SOX6: variants seen among roughly 807,000 people sequenced by gnomAD.
SOX6 encodes transcription factor SOX-6.
Under a neutral mutation model 97.8 loss-of-function variants are expected in SOX6, and 11 were observed. The observed-to-expected ratio is 0.11, with a 90% CI of 0.07 to 0.19. SOX6 has a LOEUF of 0.19. Among genes scored for constraint, SOX6 ranks in the 10% least tolerant of loss-of-function variants. The probability of loss-of-function intolerance (pLI) is 1.00; values close to 1 mark genes in which losing one functional copy is unlikely to be tolerated. For missense variants in SOX6, 810 were observed against 1,039.5 expected, an observed-to-expected ratio of 0.78 and a Z score of 3.04; for synonymous variants, 360 against 371.4, an observed-to-expected ratio of 0.97 and a Z score of 0.35.
chr11:16,555,222 T>C (rs1435158749), intron 4 of SOX6, among the ~76,000 whole-genome samples: 1 of 151,916 alleles, frequency 6.6e-6, no homozygotes, highest in African/African-American at 2.4e-5. Flanking sequence ...AAAGAATTTT[T>C]AACTTATACA....
intron 3 of SOX6, among the ~76,000 whole-genome samples, chr11:16,657,630 C>T (rs1847733005): frequency 6.6e-6 from 1 of 152,192 alleles, no homozygotes; most frequent in Admixed American, 6.5e-5. Context: ...TTTTGTGTTG[C>T]TGTTTGTTGA....
chr11:16,662,901 A>G (rs924848746), intron 3 of SOX6, among the ~76,000 whole-genome samples: 5 of 152,144 alleles, frequency 3.3e-5, no homozygotes, highest in African/African-American at 1.2e-4. Context: ...TATGTTTCCC[A>G]GGCTGCTTGT....
chr11:16,708,313 T>A (rs971819517), intron 3 of SOX6, among the ~76,000 whole-genome samples: 1 of 152,202 alleles, frequency 6.6e-6, no homozygotes, highest in Non-Finnish European at 1.5e-5. Context: ...AAGCTCAATA[T>A]GAAATAAAGA....
At chr11:16,547,368 C>T (rs546552885) in intron 4 of SOX6, among the ~76,000 whole-genome samples, 16 of 152,006 alleles carry the variant, frequency 1.1e-4, no homozygotes, top group Non-Finnish European at 2.2e-4. Flanking sequence ...ACCTAGGTGT[C>T]CATCAATGGA....
chr11:16,297,109 C>A (rs1354774806), intron 3 of SOX6, among the ~76,000 whole-genome samples: 2 of 152,068 alleles, frequency 1.3e-5, no homozygotes, highest in Non-Finnish European at 2.9e-5. Flanking sequence ...ATTTTTAAAG[C>A]AGATGAGAGA....
At chr11:16,522,226 C>G (rs1387586672) in intron 4 of SOX6, among the ~76,000 whole-genome samples, 7 of 152,110 alleles carry the variant, frequency 4.6e-5, no homozygotes, top group African/African-American at 9.6e-5. Context: ...AGGGCAGCCA[C>G]AGAGAAAGGT....
intron 2 of SOX6, among the ~76,000 whole-genome samples, chr11:16,336,556 G>T (rs117919299): frequency 3.3e-5 from 5 of 151,860 alleles, no homozygotes; most frequent in Non-Finnish European, 7.4e-5. Flanking sequence ...TTTCCTAATC[G>T]GTGTCCCTGT....
chr11:16,635,903 T>G (rs1347488618), intron 3 of SOX6, among the ~76,000 whole-genome samples: 1 of 152,242 alleles, frequency 6.6e-6, no homozygotes, highest in Non-Finnish European at 1.5e-5. Flanking sequence ...AATTGAGGTT[T>G]GGGAACCTCT....
At chr11:16,045,482 A>G (rs1356820549) in intron 12 of SOX6, among the ~76,000 whole-genome samples, 2 of 152,202 alleles carry the variant, frequency 1.3e-5, no homozygotes, top group Admixed American at 6.5e-5. Context: ...TATGTAAATC[A>G]GATCATGTCA....
intron 12 of SOX6, chr11:16,015,256 T>C (rs956868901): frequency 1.7e-4 from 102 of 588,434 alleles, no homozygotes; most frequent in Admixed American, 1.2e-3. Flanking sequence ...ATAGTACCTG[T>C]AGGGAAAGGA....
At chr11:16,552,432 T>C (rs535544150) in intron 4 of SOX6, among the ~76,000 whole-genome samples, 6 of 152,296 alleles carry the variant, frequency 3.9e-5, no homozygotes, top group South Asian at 2.1e-4. Flanking sequence ...AATCAAAATA[T>C]ATTTCACTCC....
chr11:16,446,104 T>C (rs1859605333), intron 1 of SOX6, among the ~76,000 whole-genome samples: 1 of 152,066 alleles, frequency 6.6e-6, no homozygotes, highest in African/African-American at 2.4e-5. Flanking sequence ...CAAGGTCCAG[T>C]AGCACCTACC....
chr11:16,531,546 T>C (rs934581398), intron 4 of SOX6, among the ~76,000 whole-genome samples: 1 of 151,932 alleles, frequency 6.6e-6, no homozygotes, highest in Non-Finnish European at 1.5e-5. Context: ...TTCCTATTTT[T>C]TTAATGAGGA....
intron 1 of SOX6, among the ~76,000 whole-genome samples, chr11:16,389,339 C>T (rs1858088382): frequency 6.6e-6 from 1 of 152,202 alleles, no homozygotes. Flanking sequence ...GCCTAAGCCT[C>T]CCAAAGGAGA....
At chr11:16,399,842 A>G (rs1489383059) in intron 1 of SOX6, among the ~76,000 whole-genome samples, 2 of 151,436 alleles carry the variant, frequency 1.3e-5, no homozygotes, top group African/African-American at 4.8e-5. Flanking sequence ...TTTATCCAAC[A>G]TTGCCCTAAG....
In SOX6 at chr11:16,162,841, C is replaced by T. The variant is rs554689773; in HGVS notation, c.777+21045G>A. On this transcript the variant is annotated intron_variant, in intron 6 of 15. Coordinates refer to ENST00000683767, the MANE Select transcript of SOX6 (RefSeq NM_001367873.1). ...GTTTGAACTGAGTCAGTATTTTCCA[C>T]GCTTTGTGGTTGTGACCAATTAGAA... 1.6e-4 allele frequency among the ~76,000 whole-genome samples: 24 copies of T among 151,946 alleles called. No homozygotes were observed. The East Asian group carries it at 3.1e-3, about 20-fold the overall frequency.
rs186485205 is a variant in SOX6, at chr11:16,039,598, A to T, written c.1623+6916T>A. On this transcript the variant is annotated intron_variant, in intron 12 of 15. Coordinates refer to ENST00000683767, the MANE Select transcript of SOX6 (RefSeq NM_001367873.1). ...TCCAGAAACTACATGACAATGATACAATTTGGATGCAAAAGCAGATACCAG... is the reference window on the plus strand; with the variant it reads ...TCCAGAAACTACATGACAATGATACTATTTGGATGCAAAAGCAGATACCAG... Among the ~76,000 whole-genome samples the T allele has an allele frequency of 2.4e-3, 362 of 152,172 alleles. 2 individuals are homozygous for T. Among genetic ancestry groups the T allele is most frequent in the Middle Eastern group, 6.8e-3 (2 of 294 alleles).
intron 3 of SOX6, among the ~76,000 whole-genome samples, chr11:16,651,423 A>C (rs1483268914): frequency 6.6e-6 from 1 of 152,206 alleles, no homozygotes; most frequent in African/African-American, 2.4e-5. Context: ...AAGATAATAC[A>C]CCATGATCAA....
chr11:16,669,476 T>C (rs1460725954), intron 3 of SOX6, among the ~76,000 whole-genome samples: 1 of 152,144 alleles, frequency 6.6e-6, no homozygotes, highest in Non-Finnish European at 1.5e-5. Flanking sequence ...TACAGAAAAG[T>C]GGCTGGAGTG....
Sources: allele counts gnomAD v4.1 joint callset (sites outside exome capture counted in the v4.1 genomes callset), GRCh38; gene constraint gnomAD v4.1.1; transcripts MANE v1.5; gene names NCBI Gene and HGNC (gene_info 2026-07-23, HGNC 2026-07-21).